TMEM87B: variants seen among roughly 807,000 people sequenced by gnomAD.
TMEM87B encodes the protein transmembrane protein 87B.
Under a neutral mutation model 80.3 loss-of-function variants are expected in TMEM87B, and 83 were observed. The ratio of observed to expected loss-of-function variants is 1.03; its 90% CI spans 0.87 to 1.24. TMEM87B has a LOEUF of 1.24. TMEM87B is among the 50% of genes most tolerant of loss of function. The probability of loss-of-function intolerance (pLI) is 0.00; values close to 1 mark genes in which losing one functional copy is unlikely to be tolerated. For synonymous variants in TMEM87B, 219 were observed against 230.5 expected, an observed-to-expected ratio of 0.95 and a Z score of 0.45; for missense variants, 625 against 674.4, an observed-to-expected ratio of 0.93 and a Z score of 0.81.
At chr2:112,108,759 C>T (rs555980731) in intron 17 of TMEM87B, among the ~76,000 whole-genome samples, 24 of 151,996 alleles carry the variant, frequency 1.6e-4, no homozygotes, top group African/African-American at 5.3e-4. Flanking sequence ...CTTTAGTTTT[C>T]GTCATTATGA....
chr2:112,106,050 C>G lies in TMEM87B; in HGVS notation c.1499C>G (p.Ala500Gly). 6.4e-7 allele frequency: 1 copy of G among 1,567,618 alleles called. No individual in the cohort carries two copies. Among genetic ancestry groups the G allele is most frequent in the Non-Finnish European group, 8.6e-7 (1 of 1,162,218 alleles). ...RASKSVSNGT[A>G]KPATSENFDE... is the part of the protein sequence containing the mutation. ...TCAAAATCAGTTTCCAATGGAACAGCTAAGCCTGCCACTTCTGAGAACTTT... is the reference window on the plus strand; with the variant it reads ...TCAAAATCAGTTTCCAATGGAACAGGTAAGCCTGCCACTTCTGAGAACTTT... The change falls in exon 16 of 19, where the codon GCT becomes GGT. Residue 500 changes from alanine to glycine, a missense_variant. Ala to Gly is a moderately conservative substitution (Grantham distance 60, BLOSUM62 0). Transcript: ENST00000283206.
At chr2:112,099,558 A>ATATATATATATG (rs1558847662) in intron 14 of TMEM87B, among the ~76,000 whole-genome samples, 6 of 44,900 alleles carry the variant, frequency 1.3e-4, no homozygotes, top group African/African-American at 8.5e-4. Flanking sequence ...ATATATATAC[A>ATATATATATATG]CACACACACG....
In TMEM87B at chr2:112,097,252, G is replaced by A. The variant is rs1679498244; in HGVS notation, c.1233G>A (p.Gly411=). 2.5e-6 allele frequency: 4 copies of A among 1,609,740 alleles called. No homozygotes were observed. The highest frequency in any genetic ancestry group is 3.4e-6 in the Non-Finnish European group (4 of 1,178,902). ...TTTCAGCTTCTATAGTGTTTATGGG[G>A]TGGACAACTAAGACATTTAGAATTG... ...FAVLASIVFM[G]WTTKTFRIAK... The change falls in exon 13 of 19, where the codon GGG becomes GGA. Residue 411 remains glycine, a synonymous_variant. Coordinates refer to ENST00000283206, the MANE Select transcript of TMEM87B (RefSeq NM_032824.3).
chr2:112,097,418 A>G (rs973691907), intron 13 of TMEM87B, 127 bp downstream of exon 13: 11 of 916,552 alleles, frequency 1.2e-5, no homozygotes, highest in African/African-American at 8.7e-5. Context: ...ACTTTGAACT[A>G]TTTTTTACAG....
chr2:112,086,150 T>C, intron 9 of TMEM87B, 46 bp downstream of exon 9: 1 of 1,476,596 alleles, frequency 6.8e-7, no homozygotes, highest in Non-Finnish European at 9.5e-7. Flanking sequence ...AGCCCAGTGA[T>C]TCAGTCCGTC....
Position 112,086,026 on chromosome 2 carries a change from C to T in TMEM87B, c.860C>T (p.Ala287Val), listed in dbSNP as rs758512878. ...TCAGCCCAAGGCTTATTGATATTTG[C>T]GGAGTTGATTTCTGCGATTAAGAGG... ...GLSTQGLLIF[A>V]ELISAIKRTL... Residue 287 changes from alanine (A) to valine (V), a missense_variant, in exon 9 of 19, where the codon GCG (alanine) becomes GTG (valine). Transcript: ENST00000283206. The T allele has an allele frequency of 1.1e-5, 17 of 1,613,964 alleles. No individual in the cohort carries two copies. Among genetic ancestry groups the T allele is most frequent in the South Asian group, 2.2e-5 (2 of 91,066 alleles).
intron 4 of TMEM87B, among the ~76,000 whole-genome samples, chr2:112,068,818 A>G (rs1678522275): frequency 6.6e-6 from 1 of 152,198 alleles, no homozygotes; most frequent in Admixed American, 6.5e-5. Context: ...CAATGGCAAC[A>G]CTATCCTCAT....
intron 11 of TMEM87B, chr2:112,095,556 G>A (rs1679443896): frequency 1.3e-6 from 1 of 770,600 alleles, no homozygotes; most frequent in South Asian, 5.9e-5. Flanking sequence ...ATTGTTAAAA[G>A]TATATGTTTT....
intron 9 of TMEM87B, among the ~76,000 whole-genome samples, chr2:112,086,443 T>C (rs1296695412): frequency 6.6e-6 from 1 of 152,208 alleles, no homozygotes; most frequent in Admixed American, 6.5e-5. Flanking sequence ...TATCTGAGTG[T>C]TGGAAGAGAG....
At chr2:112,064,300 A>G in intron 3 of TMEM87B, 47 bp downstream of exon 3, 1 of 1,489,582 alleles carries the variant, frequency 6.7e-7, no homozygotes, top group Non-Finnish European at 9.3e-7. Context: ...ATGAAGGAAA[A>G]TTATGGGTAT....
chr2:112,093,234 A>G (rs934921451), intron 11 of TMEM87B, among the ~76,000 whole-genome samples: 1 of 152,184 alleles, frequency 6.6e-6, no homozygotes, highest in African/African-American at 2.4e-5. Flanking sequence ...CCTATTCTTT[A>G]AATTCCCTGT....
Position 112,115,882 on chromosome 2 carries a change from C to T in TMEM87B, c.1609-202C>T, listed in dbSNP as rs183620913. On this transcript the variant is annotated intron_variant, in intron 18 of 18. Coordinates refer to ENST00000283206, the MANE Select transcript of TMEM87B (RefSeq NM_032824.3). ...AACTCCTAGCGTCAAGCAGCCTTCC[C>T]GCCTCGGCCTCCCAAAGTGCTGAGA... Among the ~76,000 whole-genome samples, 177 of 152,260 alleles carry T rather than the reference C, an allele frequency of 1.2e-3. 1 individual carries two copies. The highest frequency in any genetic ancestry group is 2.0e-3 in the Non-Finnish European group (135 of 68,018).
chr2:112,069,865 C>G (rs574706159), intron 4 of TMEM87B, among the ~76,000 whole-genome samples: 1 of 152,302 alleles, frequency 6.6e-6, no homozygotes, highest in South Asian at 2.1e-4. Flanking sequence ...AATAGCCATT[C>G]TGACTGGTGT....
Position 112,074,902 on chromosome 2 carries a change from T to A in TMEM87B, c.451-10T>A. 1 of 1,565,602 alleles carries A rather than the reference T, an allele frequency of 6.4e-7. No individual in the cohort carries two copies. Among genetic ancestry groups the A allele is most frequent in the South Asian group, 1.2e-5 (1 of 85,796 alleles). ...CAGTATAAAATGGCATTATTTACTC[T>A]TTTTTCCAGAATAAAGAACTAATAA... On this transcript the variant is annotated splice_polypyrimidine_tract_variant and intron_variant, in intron 4 of 18. Transcript: ENST00000283206.
chr2:112,103,538 G>A (rs563060344), intron 15 of TMEM87B, among the ~76,000 whole-genome samples: 1 of 152,188 alleles, frequency 6.6e-6, no homozygotes, highest in Non-Finnish European at 1.5e-5. Flanking sequence ...TATGTTAAGT[G>A]AAAGAAGCCA....
intron 17 of TMEM87B, 74 bp from the exon 18 acceptor site, chr2:112,112,825 C>G: frequency 7.2e-7 from 1 of 1,394,600 alleles, no homozygotes; most frequent in Non-Finnish European, 1.0e-6. Context: ...TGGCATGTGC[C>G]TGTATTCGGC....
In TMEM87B at chr2:112,106,051, T is replaced by C; in HGVS notation, c.1500T>C (p.Ala500=). 6.4e-7 allele frequency: 1 copy of C among 1,565,974 alleles called. No individual in the cohort carries two copies. The highest frequency in any genetic ancestry group is 2.3e-5 in the East Asian group (1 of 42,900). The change falls in exon 16 of 19, where the codon GCT becomes GCC. Residue 500 remains alanine (A), a synonymous_variant. Coordinates refer to ENST00000283206, the MANE Select transcript of TMEM87B (RefSeq NM_032824.3). The stretch of plus-strand genomic sequence containing the variant: ...CAAAATCAGTTTCCAATGGAACAGC[T>C]AAGCCTGCCACTTCTGAGAACTTTG... ...RASKSVSNGT[A]KPATSENFDE...
At chr2:112,094,929 A>G (rs888029100) in intron 11 of TMEM87B, among the ~76,000 whole-genome samples, 10 of 147,840 alleles carry the variant, frequency 6.8e-5, no homozygotes, top group Non-Finnish European at 1.5e-4. Flanking sequence ...AAATGACAAG[A>G]AAAAAAAAAG....
At chr2:112,091,347 TG>T (rs1391136278) in intron 10 of TMEM87B, among the ~76,000 whole-genome samples, 2 of 152,200 alleles carry the variant, frequency 1.3e-5, no homozygotes, top group Admixed American at 6.5e-5. Flanking sequence ...ACTTTTTCTG[TG>T]TCCCTTCACA....
Sources: allele counts gnomAD v4.1 joint callset (sites outside exome capture counted in the v4.1 genomes callset), GRCh38; gene constraint gnomAD v4.1.1; transcripts MANE v1.5; gene names NCBI Gene and HGNC (gene_info 2026-07-23, HGNC 2026-07-21).